SASS6: variants seen among roughly 807,000 people sequenced by gnomAD.
The protein encoded by SASS6 is SAS-6 centriolar assembly protein.
In SASS6, 59 loss-of-function variants were observed where a neutral mutation model predicts 94.9. That is an observed-to-expected ratio of 0.62 (90% CI 0.50 to 0.77). The LOEUF (loss-of-function observed/expected upper bound fraction) is 0.77, where lower values mean the gene tolerates loss of function less well. Among genes scored for constraint, SASS6 ranks in the 30% least tolerant of loss-of-function variants. SASS6 has a pLI of 0.00. For synonymous variants in SASS6, 264 were observed against 270.0 expected, an observed-to-expected ratio of 0.98 and a Z score of 0.22; for missense variants, 698 against 734.1, an observed-to-expected ratio of 0.95 and a Z score of 0.57.
intron 15 of SASS6, among the ~76,000 whole-genome samples, chr1:100,086,381 A>C (rs1050769500): frequency 2.6e-5 from 4 of 152,170 alleles, no homozygotes; most frequent in African/African-American, 9.7e-5. Flanking sequence ...GCTGACAAAT[A>C]AAAGAACCAG....
At chr1:100,098,689 CATAA>C (rs1222895705) in intron 14 of SASS6, among the ~76,000 whole-genome samples, 3 of 150,736 alleles carry the variant, frequency 2.0e-5, no homozygotes, top group African/African-American at 4.9e-5. Flanking sequence ...CCTACTCATC[CATAA>C]ATAGAGTATT....
chr1:100,090,348 T>C (rs1651583761), intron 14 of SASS6, among the ~76,000 whole-genome samples: 1 of 152,054 alleles, frequency 6.6e-6, no homozygotes, highest in Admixed American at 6.5e-5. Flanking sequence ...AAATAGAAAA[T>C]GATACTTCAT....
chr1:100,125,511 T>C (rs960031999), intron 2 of SASS6, among the ~76,000 whole-genome samples: 3 of 151,170 alleles, frequency 2.0e-5, no homozygotes, highest in African/African-American at 7.3e-5. Context: ...AAACCCCGTC[T>C]CTACTAAAAA....
Position 100,110,588 on chromosome 1 carries a change from TTTTC to T in SASS6, c.670-109_670-106del, listed in dbSNP as rs1475346809. 6 of 557,162 alleles carry T rather than the reference TTTTC, an allele frequency of 1.1e-5. No homozygotes were observed. In the African/African-American group the frequency reaches 1.2e-4, roughly 11 times the overall value. 34.5% of individuals were successfully genotyped at this position (557,162 alleles called of 1,614,324 possible). ...AAAATTGTAATTTCTTATTTTTTCTTTTTCTTTTTTGTCTTAATTTTGTCATCTT... is the reference window on the plus strand; with the variant it reads ...AAAATTGTAATTTCTTATTTTTTCTTTTTTTTGTCTTAATTTTGTCATCTT... On this transcript the variant is annotated intron_variant, in intron 7 of 16. Transcript: ENST00000287482.
chr1:100,128,273 G>A (rs767980242), intron 1 of SASS6, among the ~76,000 whole-genome samples: 2 of 152,184 alleles, frequency 1.3e-5, no homozygotes, highest in Non-Finnish European at 2.9e-5. Context: ...CTGACCTCAA[G>A]TGATCTGCCC....
chr1:100,094,835 C>T (rs1368332244), intron 14 of SASS6, among the ~76,000 whole-genome samples: 1 of 149,256 alleles, frequency 6.7e-6, no homozygotes, highest in Admixed American at 6.7e-5. Flanking sequence ...TACTGCACTC[C>T]AGCCAGGGCA....
intron 14 of SASS6, among the ~76,000 whole-genome samples, chr1:100,093,850 C>T (rs187202878): frequency 8.5e-5 from 13 of 152,150 alleles, no homozygotes; most frequent in Non-Finnish European, 1.9e-4. Flanking sequence ...GCAGTTAAAG[C>T]AAGACTGAAC....
Position 100,085,731 on chromosome 1 carries a change from C to T in SASS6, c.1773-101G>A, listed in dbSNP as rs1651200770. ...ATATATAAGATAATGTAACTAAGTT[C>T]TATTTATAGCTTAGCTTTGTTCAGA... On this transcript the variant is annotated intron_variant, in intron 15 of 16. Transcript: ENST00000287482. 5.1e-5 allele frequency: 34 copies of T among 670,722 alleles called. 1 individual carries two copies. In the South Asian group the frequency reaches 6.5e-4, roughly 13 times the overall value. The allele number at this position is 670,722 out of a possible 1,614,324, so 41.5% of individuals were successfully genotyped here. A position where few individuals can be genotyped will look rare whatever the true frequency, so the allele number is the denominator to read the frequency against.
chr1:100,126,938 C>T (rs1411279398), intron 1 of SASS6, among the ~76,000 whole-genome samples: 4 of 152,102 alleles, frequency 2.6e-5, no homozygotes, highest in Non-Finnish European at 5.9e-5. Context: ...TGTAATAAAA[C>T]CACAGAAGTA....
chr1:100,119,071 A>C lies in SASS6; in HGVS notation c.616T>G (p.Leu206Val), dbSNP rs1430107654. 1 of 1,592,128 alleles carries C rather than the reference A, an allele frequency of 6.3e-7. No homozygotes were observed. Among genetic ancestry groups the C allele is most frequent in the African/African-American group, 1.3e-5 (1 of 74,662 alleles). Residue 206 changes from leucine to valine, a missense_variant, in exon 7 of 17, where the codon TTG becomes GTG. Physicochemically the swap from Leu to Val is conservative, Grantham distance 32. Coordinates refer to ENST00000287482, the MANE Select transcript of SASS6 (RefSeq NM_194292.3). ...AGTTCCTGAGAATGCTTGTTTGTCAAGGCTGCTGTATGTGACGCCCATTCA... is the reference window on the plus strand; with the variant it reads ...AGTTCCTGAGAATGCTTGTTTGTCACGGCTGCTGTATGTGACGCCCATTCA... Reference protein sequence around the residue: ...RNEWASHTAALTNKHSQELTN... With the variant: ...RNEWASHTAAVTNKHSQELTN...
intron 15 of SASS6, among the ~76,000 whole-genome samples, chr1:100,086,908 C>G (rs1441453302): frequency 6.6e-6 from 1 of 152,196 alleles, no homozygotes; most frequent in Non-Finnish European, 1.5e-5. Flanking sequence ...TCAAGGTGCT[C>G]TCCCTTGTGA....
intron 7 of SASS6, among the ~76,000 whole-genome samples, chr1:100,115,496 C>T (rs575983648): frequency 8.5e-5 from 13 of 152,194 alleles, no homozygotes; most frequent in Admixed American, 4.6e-4. Context: ...TAACAACAGT[C>T]CAAAGACAAG....
intron 15 of SASS6, among the ~76,000 whole-genome samples, chr1:100,087,330 C>G (rs1031864485): frequency 2.6e-5 from 4 of 152,124 alleles, no homozygotes; most frequent in African/African-American, 9.7e-5. Context: ...TGAATAAAAG[C>G]TAGAGAGCTG....
At chr1:100,096,882 G>A (rs747418217) in intron 14 of SASS6, among the ~76,000 whole-genome samples, 5 of 152,164 alleles carry the variant, frequency 3.3e-5, no homozygotes, top group East Asian at 1.9e-4. Context: ...TTGAGAGGCC[G>A]AGGTAGGGGA....
At chr1:100,130,689 GAAAA>G (rs369101016) in intron 1 of SASS6, among the ~76,000 whole-genome samples, 2 of 135,180 alleles carry the variant, frequency 1.5e-5, no homozygotes, top group Non-Finnish European at 3.1e-5. Context: ...ACTCTGTCTA[GAAAA>G]AAAAAAAAAA....
Position 100,100,024 on chromosome 1 carries a change from G to A in SASS6, c.1674+2931C>T, listed in dbSNP as rs183709953. 2.6e-5 allele frequency among the ~76,000 whole-genome samples: 4 copies of A among 152,246 alleles called. No homozygotes were observed. In the South Asian group the frequency reaches 6.2e-4, roughly 24 times the overall value. On this transcript the variant is annotated intron_variant, in intron 14 of 16. Transcript: ENST00000287482. ...GCTCATGCCTGTAATCCCACCACTTGGGAGGCCGAGGCAGGTGGATCACTT... is the reference window on the plus strand; with the variant it reads ...GCTCATGCCTGTAATCCCACCACTTAGGAGGCCGAGGCAGGTGGATCACTT...
chr1:100,105,931 A>G (rs1408974539), intron 12 of SASS6, 28 bp from the exon 13 acceptor site: 2 of 1,463,316 alleles, frequency 1.4e-6, no homozygotes, highest in Non-Finnish European at 1.9e-6. Flanking sequence ...GAAGCAAGGT[A>G]AAGAATATTG....
intron 7 of SASS6, among the ~76,000 whole-genome samples, chr1:100,118,066 T>C (rs998226671): frequency 1.3e-5 from 2 of 152,182 alleles, no homozygotes; most frequent in Non-Finnish European, 2.9e-5. Flanking sequence ...ATGCCTGTAA[T>C]CCCAGCACTT....
chr1:100,110,043 A>G (rs1468997543), intron 8 of SASS6, among the ~76,000 whole-genome samples: 1 of 152,038 alleles, frequency 6.6e-6, no homozygotes, highest in African/African-American at 2.4e-5. Context: ...ATATTGATAA[A>G]TCTGACAGCT....
Sources: allele counts gnomAD v4.1 joint callset (sites outside exome capture counted in the v4.1 genomes callset), GRCh38; gene constraint gnomAD v4.1.1; transcripts MANE v1.5; gene names NCBI Gene and HGNC (gene_info 2026-07-23, HGNC 2026-07-21).